The following MPP7 variants were observed in gnomAD, a reference collection of about 807,000 sequenced individuals.
MPP7 encodes the protein MAGUK p55 scaffold protein 7.
A neutral mutation model predicts 76.5 loss-of-function variants in MPP7; 60 were observed. The observed-to-expected ratio is 0.78, with a 90% CI of 0.64 to 0.97. The LOEUF (loss-of-function observed/expected upper bound fraction) is 0.97, where lower values mean the gene tolerates loss of function less well. Among genes scored for constraint, MPP7 ranks in the 50% least tolerant of loss-of-function variants. MPP7 has a pLI of 0.00. For missense variants in MPP7, 641 were observed against 694.0 expected (o/e 0.92, Z 0.86); for synonymous variants, 237 against 244.5 (o/e 0.97, Z 0.29).
chr10:28,154,678 G>T (rs1835991426), intron 3 of MPP7, among the ~76,000 whole-genome samples: 1 of 146,762 alleles, frequency 6.8e-6, no homozygotes, highest in African/African-American at 2.5e-5. Context: ...TTAGTTCCCA[G>T]AATAATGTTC....
chr10:28,123,088 T>C (rs1023279375), intron 8 of MPP7, among the ~76,000 whole-genome samples: 1 of 152,180 alleles, frequency 6.6e-6, no homozygotes, highest in Non-Finnish European at 1.5e-5. Context: ...TCCACTGTTT[T>C]CCCACTGATT....
chr10:28,153,615 T>C (rs1055786709), intron 3 of MPP7, among the ~76,000 whole-genome samples: 3 of 152,198 alleles, frequency 2.0e-5, no homozygotes, highest in Admixed American at 6.5e-5. Flanking sequence ...AAGGAAGCCA[T>C]AGTTACCTTC....
intron 3 of MPP7, among the ~76,000 whole-genome samples, chr10:28,171,018 C>T (rs1836662126): frequency 6.6e-6 from 1 of 152,126 alleles, no homozygotes; most frequent in African/African-American, 2.4e-5. Flanking sequence ...TTTAGCATTC[C>T]ACAAATTGTT....
chr10:28,265,368 G>T (rs562882431), intron 1 of MPP7, among the ~76,000 whole-genome samples: 1 of 152,254 alleles, frequency 6.6e-6, no homozygotes, highest in Non-Finnish European at 1.5e-5. Flanking sequence ...AGACCAGCCT[G>T]GGGAACTTGG....
At chr10:28,294,981 TG>T (rs1841006399) in intron 1 of MPP7, among the ~76,000 whole-genome samples, 1 of 152,210 alleles carries the variant, frequency 6.6e-6, no homozygotes, top group Admixed American at 6.5e-5. Context: ...CTAGAGTGGC[TG>T]GCCCCTGCAG....
At chr10:28,248,724 T>C (rs1839517318) in intron 1 of MPP7, among the ~76,000 whole-genome samples, 1 of 152,224 alleles carries the variant, frequency 6.6e-6, no homozygotes, top group African/African-American at 2.4e-5. Context: ...TGTTTAGGTA[T>C]GTTTAGATAC....
intron 13 of MPP7, among the ~76,000 whole-genome samples, chr10:28,060,099 A>G (rs1026527289): frequency 4.1e-5 from 6 of 147,812 alleles, no homozygotes; most frequent in Non-Finnish European, 8.9e-5. Context: ...ATTGATCTTC[A>G]TTCATTAAAG....
In MPP7 at chr10:28,069,711, T is replaced by C. The variant is rs962404900; in HGVS notation, c.1204+61A>G. 6.0e-6 allele frequency: 8 copies of C among 1,335,456 alleles called. No individual in the cohort carries two copies. In the African/African-American group the frequency reaches 1.2e-4, roughly 20 times the overall value. 82.7% of individuals were successfully genotyped at this position (1,335,456 alleles called of 1,614,324 possible). ...AGTTAAAAATTTTTTAAAATAATTT[T>C]TTAAAAATTTAAAATTATCGTAAGT... On this transcript the variant is annotated intron_variant, in intron 13 of 16. Transcript: ENST00000683449.
intron 3 of MPP7, among the ~76,000 whole-genome samples, chr10:28,197,708 C>A (rs185680007): frequency 6.6e-6 from 1 of 152,284 alleles, no homozygotes; most frequent in Admixed American, 6.5e-5. Context: ...CCAAGTTGAA[C>A]ATCTTGGCCC....
intron 3 of MPP7, among the ~76,000 whole-genome samples, chr10:28,166,023 CAA>C (rs9299600): frequency 2.0e-5 from 2 of 99,950 alleles, no homozygotes; most frequent in Non-Finnish European, 1.9e-5. Context: ...AGACTCATCT[CAA>C]AAAAAAAAAA....
intron 1 of MPP7, among the ~76,000 whole-genome samples, chr10:28,264,709 A>G (rs1435403826): frequency 1.3e-5 from 2 of 152,176 alleles, no homozygotes; most frequent in Non-Finnish European, 2.9e-5. Flanking sequence ...GGAAGCACAG[A>G]GCATGTGAAG....
intron 3 of MPP7, among the ~76,000 whole-genome samples, chr10:28,155,598 C>A (rs76018652): frequency 5.1e-4 from 64 of 124,610 alleles, no homozygotes; most frequent in East Asian, 1.8e-3. Flanking sequence ...ACCCTGTCTC[C>A]AAAAAAAAAA....
At position 28,279,335 on chromosome 10, in the gene MPP7, C is replaced by T. The variant is rs148876052; in HGVS notation, c.-132+23526G>A. ...TCCTTCCTCAAGTCACCGATAGAGACGTTCTGCAGGTTAGTGGATCTTTTT... is the reference window on the plus strand; with the variant it reads ...TCCTTCCTCAAGTCACCGATAGAGATGTTCTGCAGGTTAGTGGATCTTTTT... On this transcript the variant is annotated intron_variant, in intron 1 of 16. Coordinates refer to ENST00000683449, the MANE Select transcript of MPP7 (RefSeq NM_001318170.2). Among the ~76,000 whole-genome samples the T allele has an allele frequency of 7.6e-4, 115 of 152,172 alleles. 1 individual carries two copies. Among genetic ancestry groups the T allele is most frequent in the African/African-American group, 2.7e-3 (112 of 41,432 alleles).
At chr10:28,111,304 C>A (rs1834499381) in intron 11 of MPP7, among the ~76,000 whole-genome samples, 1 of 152,174 alleles carries the variant, frequency 6.6e-6, no homozygotes, top group African/African-American at 2.4e-5. Context: ...TATCAGTCAA[C>A]AAATAAATAG....
intron 2 of MPP7, among the ~76,000 whole-genome samples, chr10:28,312,676 G>GA (rs886275353): frequency 2.6e-5 from 4 of 152,038 alleles, no homozygotes; most frequent in African/African-American, 9.7e-5. Context: ...GAAACGTTGA[G>GA]AAAAAAATAC....
intron 12 of MPP7, among the ~76,000 whole-genome samples, chr10:28,087,686 G>A (rs1274132870): frequency 6.6e-6 from 1 of 152,198 alleles, no homozygotes; most frequent in African/African-American, 2.4e-5. Context: ...ATGAGCCACT[G>A]CGCCCAGCCT....
intron 1 of MPP7, among the ~76,000 whole-genome samples, chr10:28,248,748 A>G (rs964136755): frequency 2.0e-5 from 3 of 152,184 alleles, no homozygotes; most frequent in Admixed American, 2.0e-4. Context: ...AATACTTACC[A>G]CTGTGTTCCA....
intron 1 of MPP7, among the ~76,000 whole-genome samples, chr10:28,260,161 C>A (rs1839903528): frequency 6.6e-6 from 1 of 152,180 alleles, no homozygotes; most frequent in Non-Finnish European, 1.5e-5. Flanking sequence ...AATTTTATGG[C>A]ATTATCATCA....
rs1588739218 is a variant in MPP7, at chr10:28,082,039, C to A, written c.1123+7632G>T. Among the ~76,000 whole-genome samples, 4 of 152,308 alleles carry A rather than the reference C, an allele frequency of 2.6e-5. No individual in the cohort carries two copies. In the South Asian group the frequency reaches 8.3e-4, roughly 32 times the overall value. On this transcript the variant is annotated intron_variant, in intron 12 of 16. Transcript: ENST00000683449. ...AAAGTGCTGGGATTACAGGCATGAG[C>A]CACTGCACCCAGCCAGAAATTATTT...
Sources: gnomAD v4.1 joint callset for allele counts (sites outside exome capture counted in the v4.1 genomes callset) on GRCh38, gnomAD v4.1.1 for gene constraint, MANE v1.5 for transcripts, NCBI Gene and HGNC (gene_info 2026-07-23, HGNC 2026-07-21) for gene names.